The following VPS9D1 variants were observed in gnomAD, a reference collection of about 807,000 sequenced individuals.
VPS9D1 encodes the protein VPS9 domain-containing protein 1.
VPS9D1 carries 78 observed loss-of-function variants against 75.8 expected under a neutral mutation model. The ratio of observed to expected loss-of-function variants is 1.03; its 90% confidence interval spans 0.86 to 1.24. The LOEUF (loss-of-function observed/expected upper bound fraction) is 1.24. Ranked by LOEUF, VPS9D1 falls within the 50% of genes most tolerant of loss-of-function variation. The pLI is 0.00. For synonymous variants in VPS9D1, 481 were observed against 385.6 expected (o/e 1.25, Z -2.90); for missense variants, 1,057 against 847.7 (o/e 1.25, Z -3.07).
In VPS9D1 at chr16:89,710,606, T is replaced by A; in HGVS notation, c.1238A>T (p.Glu413Val). 6.2e-7 allele frequency: 1 copy of A among 1,604,388 alleles called. No individual in the cohort carries two copies. The highest frequency in any genetic ancestry group is 8.5e-7 in the Non-Finnish European group (1 of 1,173,088). ...CTCACCTACGGCATTGTGGATCTCC[T>A]CCACCGCGGTCTTCAGCTGCTGCAG... ...PQLQQLKTAV[E>V]EIHNAVDRLL... Residue 413 changes from glutamate (E) to valine (V), a missense_variant, in exon 10 of 15, where the codon GAG becomes GTG. By Grantham distance (121) the Glu-to-Val change is moderately radical. Transcript: ENST00000389386.
chr16:89,708,498 G>C lies in VPS9D1; in HGVS notation c.1731C>G (p.Phe577Leu). 3 of 1,613,162 alleles carry C rather than the reference G, an allele frequency of 1.9e-6. No homozygotes were observed. The South Asian group carries it at 3.3e-5, about 18-fold the overall frequency. The change falls in exon 14 of 15, where the codon TTC becomes TTG. Residue 577 changes from phenylalanine (F) to leucine (L), a missense_variant. Phe to Leu is a conservative substitution (Grantham distance 22). Transcript: ENST00000389386. ...GADDLLPILS[F>L]VVLRSGLPQL... Reference sequence around the variant, plus strand: ...GAGGGAGGCCGCTCCTCAGCACCACGAAGGACAGGATGGGCAGCAGGTCAT... The same window carrying C: ...GAGGGAGGCCGCTCCTCAGCACCACCAAGGACAGGATGGGCAGCAGGTCAT...
At position 89,720,777 on chromosome 16, in the gene VPS9D1, C is replaced by T. The variant is rs1177232648; in HGVS notation, c.85G>A (p.Gly29Ser). Reference sequence around the variant, plus strand: ...CCCCGCCTCACCCGGGGCCGGTTGCCGGTGTCCAGCTCGATGGCCCCGTTG... The same window carrying T: ...CCCCGCCTCACCCGGGGCCGGTTGCTGGTGTCCAGCTCGATGGCCCCGTTG... ...LANGAIELDT[G>S]NRPREAYTEY... Residue 29 changes from glycine (G) to serine (S), a missense_variant, in exon 1 of 15, where the codon GGC becomes AGC. Physicochemically the swap from Gly to Ser is moderately conservative, Grantham distance 56. Coordinates refer to ENST00000389386, the MANE Select transcript of VPS9D1 (RefSeq NM_004913.3). 2.1e-5 allele frequency: 31 copies of T among 1,455,038 alleles called. No individual in the cohort carries two copies. Among genetic ancestry groups the T allele is most frequent in the Admixed American group, 1.5e-4 (6 of 40,828 alleles). 90.1% of individuals were successfully genotyped at this position (1,455,038 alleles called of 1,614,324 possible).
rs547304563 is a variant in VPS9D1, at chr16:89,716,321, G to T, written c.431+141C>A. 2.8e-5 allele frequency: 35 copies of T among 1,269,966 alleles called. 1 individual carries two copies. In the African/African-American group the frequency reaches 5.1e-4, roughly 19 times the overall value. The allele number at this position is 1,269,966 out of a possible 1,614,324, so 78.7% of individuals were successfully genotyped here. A position where few individuals can be genotyped will look rare whatever the true frequency, so the allele number is the denominator to read the frequency against. On this transcript the variant is annotated intron_variant, in intron 4 of 14. Transcript: ENST00000389386. ...GTGGAGGTTGCCGTGAGCCAAGATT[G>T]AGCCGCTGCACTCCAGCCTGGGTGA...
chr16:89,709,133 C>A (rs60990888), intron 12 of VPS9D1, 94 bp downstream of exon 12: 3 of 1,562,516 alleles, frequency 1.9e-6, no homozygotes, highest in African/African-American at 2.7e-5. Flanking sequence ...CCCACCGGCA[C>A]GTGACAAGAG....
rs1048780251 is a variant in VPS9D1 at position 89,708,651 on chromosome 16, G to T, written c.1698-120C>A. On this transcript the variant is annotated intron_variant, in intron 13 of 14. Transcript: ENST00000389386. ...CATCTCTGTGCCCTTCTGCGCAGAG[G>T]CACCGGAAGGCAGCTGGGCATGGTG... The T allele has an allele frequency of 5.8e-5, 67 of 1,163,222 alleles. No homozygotes were observed. The African/African-American group carries it at 9.7e-4, about 17-fold the overall frequency. 72.1% of individuals were successfully genotyped at this position (1,163,222 alleles called of 1,614,324 possible).
intron 6 of VPS9D1, 22 bp from the exon 7 acceptor site, chr16:89,712,121 C>G (rs533149020): frequency 6.5e-7 from 1 of 1,548,190 alleles, no homozygotes; most frequent in East Asian, 2.4e-5. Flanking sequence ...GTCAAGGGGC[C>G]GAGCGTGGGA....
chr16:89,711,682 C>T (rs1294314216), intron 8 of VPS9D1, 200 bp downstream of exon 8: 3 of 726,390 alleles, frequency 4.1e-6, no homozygotes, highest in East Asian at 5.6e-5. Context: ...GACCCCTGAC[C>T]TCGCCTCCTC....
intron 2 of VPS9D1, 162 bp from the exon 3 acceptor site, chr16:89,716,984 T>C (rs1486546988): frequency 5.5e-6 from 2 of 366,792 alleles, no homozygotes; most frequent in African/African-American, 6.6e-5. Context: ...TCACTGACCC[T>C]GGGCAAGCCC....
chr16:89,714,574 T>C lies in VPS9D1; in HGVS notation c.432-1858A>G, dbSNP rs560526684. Among the ~76,000 whole-genome samples, 151 of 152,294 alleles carry C rather than the reference T, an allele frequency of 9.9e-4. No homozygotes were observed. The South Asian group carries it at 0.03, about 30-fold the overall frequency. On this transcript the variant is annotated intron_variant, in intron 4 of 14. Transcript: ENST00000389386. ...AGCCACATTGCAGAAACAAGGGGAC[T>C]GGGAAGCCAGGCCCCGCCAGAGCAG...
chr16:89,720,280 T>A (rs927355730), intron 1 of VPS9D1: 1 of 510,208 alleles, frequency 2.0e-6, no homozygotes, highest in African/African-American at 2.1e-5. Context: ...TTCGGCCCCA[T>A]CTCAGGAACG....
intron 8 of VPS9D1, chr16:89,711,631 C>CCT: frequency 1.5e-6 from 1 of 654,852 alleles, no homozygotes; most frequent in South Asian, 2.0e-5. Flanking sequence ...GACCCTCCCT[C>CCT]CTCGCAGGGA....
rs1310820067 is a variant in VPS9D1 at position 89,717,082 on chromosome 16, C to A, written c.176-260G>T. Among the ~76,000 whole-genome samples, 36 of 110,578 alleles carry A rather than the reference C, an allele frequency of 3.3e-4. 1 individual carries two copies. The highest frequency in any genetic ancestry group is 1.1e-3 in the African/African-American group (29 of 26,408). 72.5% of individuals were successfully genotyped at this position (110,578 alleles called of 152,430 possible). On this transcript the variant is annotated intron_variant, in intron 2 of 14. Transcript: ENST00000389386. ...ACCCTAGGCAAGCCCACTGCCCCCC[C>A]ATCCCCTCACCCCGGGTAAGCCCAC... is the stretch of plus-strand genomic sequence containing the variant.
chr16:89,708,876 G>A lies in VPS9D1; in HGVS notation c.1678C>T (p.Pro560Ser). The change falls in exon 13 of 15, where the codon CCC (proline) becomes TCC (serine). Residue 560 changes from proline to serine, a missense_variant. Transcript: ENST00000389386. ...ACTCACATGGCAGCTGCAGCGATGG[G>A]CGGGGGCCCGGCCTGGGGTGTGGCC... ...PEATPQAGPPPIAAAAIGADD... is the reference protein window; with the variant it reads ...PEATPQAGPPSIAAAAIGADD... 1 of 1,584,560 alleles carries A rather than the reference G, an allele frequency of 6.3e-7. No individual in the cohort carries two copies. The highest frequency in any genetic ancestry group is 1.2e-5 in the South Asian group (1 of 85,996).
chr16:89,712,279 G>T, intron 6 of VPS9D1, 180 bp from the exon 7 acceptor site: 1 of 1,317,752 alleles, frequency 7.6e-7, no homozygotes, highest in Non-Finnish European at 1.0e-6. Flanking sequence ...CCGGGCCAGA[G>T]AACATGGGGG....
At chr16:89,720,276 C>T (rs930988622) in intron 1 of VPS9D1, 33 of 478,186 alleles carry the variant, frequency 6.9e-5, no homozygotes, top group Admixed American at 3.8e-4. Flanking sequence ...TAGATTCGGC[C>T]CCATCTCAGG....
intron 4 of VPS9D1, among the ~76,000 whole-genome samples, chr16:89,713,844 T>C (rs1158953800): frequency 6.6e-6 from 1 of 151,764 alleles, no homozygotes; most frequent in African/African-American, 2.4e-5. Context: ...CCGTCTCTAT[T>C]AAAAATACAA....
At chr16:89,712,960 G>A (rs573443506) in intron 4 of VPS9D1, 4 of 356,918 alleles carry the variant, frequency 1.1e-5, no homozygotes, top group East Asian at 5.2e-5. Context: ...AAGGCCGGGC[G>A]GATCACCTGA....
chr16:89,712,532 G>T lies in VPS9D1; in HGVS notation c.544-10C>A. 6.2e-7 allele frequency: 1 copy of T among 1,612,016 alleles called. No homozygotes were observed. On this transcript the variant is annotated splice_polypyrimidine_tract_variant and intron_variant, in intron 5 of 14. Coordinates refer to ENST00000389386, the MANE Select transcript of VPS9D1 (RefSeq NM_004913.3). ...GCTGTAGAGAGAGGGTCTGGGGGGG[G>T]AGGAGGGAGTAAGGCCGACTCCCCT...
chr16:89,712,055 G>T lies in VPS9D1; in HGVS notation c.651C>A (p.Ala217=), dbSNP rs1345787664. ...MEERRLRLQE[A]ANRRFCSQVA... Reference sequence around the variant, plus strand: ...GCGGGCAGGAGTCCCACCTGTTGGCGGCCTCCTGGAGCCGCAGCCGGCGCT... The same window carrying T: ...GCGGGCAGGAGTCCCACCTGTTGGCTGCCTCCTGGAGCCGCAGCCGGCGCT... The change falls in exon 7 of 15, where the codon GCC becomes GCA. Residue 217 remains alanine, a synonymous_variant. Coordinates refer to ENST00000389386, the MANE Select transcript of VPS9D1 (RefSeq NM_004913.3). 5.2e-6 allele frequency: 8 copies of T among 1,548,728 alleles called. No individual in the cohort carries two copies. The highest frequency in any genetic ancestry group is 2.7e-5 in the African/African-American group (2 of 72,988).
Sources: allele counts gnomAD v4.1 joint callset (sites outside exome capture counted in the v4.1 genomes callset), GRCh38; gene constraint gnomAD v4.1.1; transcripts MANE v1.5; gene names NCBI Gene and HGNC (gene_info 2026-07-23, HGNC 2026-07-21).